AJAP1: variants seen among roughly 807,000 people sequenced by gnomAD.
AJAP1 encodes adherens junctions associated protein 1.
In AJAP1, 5 loss-of-function variants were observed where a neutral mutation model predicts 35.0. The ratio of observed to expected loss-of-function variants is 0.14; its 90% CI spans 0.07 to 0.30. The LOEUF is 0.30. Among genes scored for constraint, AJAP1 ranks in the 10% least tolerant of loss-of-function variants. The pLI is 1.00. For synonymous variants in AJAP1, 284 were observed against 249.3 expected (o/e 1.14, Z -1.31); for missense variants, 586 against 571.0 (o/e 1.03, Z -0.27).
chr1:4,659,575 G>T (rs1407468965), intron 1 of AJAP1, among the ~76,000 whole-genome samples: 1 of 152,202 alleles, frequency 6.6e-6, no homozygotes, highest in Non-Finnish European at 1.5e-5. Context: ...GTCCATGTCA[G>T]ACCTCTGGTG....
intron 1 of AJAP1, among the ~76,000 whole-genome samples, chr1:4,680,225 T>A (rs1315423535): frequency 6.6e-6 from 1 of 152,130 alleles, no homozygotes; most frequent in Admixed American, 6.5e-5. Flanking sequence ...CAGATGTTAA[T>A]CCTATCCATG....
At chr1:4,765,905 G>C (rs908565786) in intron 2 of AJAP1, among the ~76,000 whole-genome samples, 1 of 152,100 alleles carries the variant, frequency 6.6e-6, no homozygotes, top group Non-Finnish European at 1.5e-5. Flanking sequence ...AGAGGCTGTG[G>C]GTCTCTCTGA....
intron 2 of AJAP1, among the ~76,000 whole-genome samples, chr1:4,733,752 G>A (rs1170614853): frequency 6.6e-6 from 1 of 151,948 alleles, no homozygotes; most frequent in African/African-American, 2.4e-5. Context: ...TTCTCCTTGT[G>A]GGCAGGGATA....
chr1:4,691,674 C>G (rs893404441), intron 1 of AJAP1, among the ~76,000 whole-genome samples: 1 of 152,056 alleles, frequency 6.6e-6, no homozygotes, highest in African/African-American at 2.4e-5. Flanking sequence ...CCCGCTGACT[C>G]CAGGAGTCAG....
rs770767997 is a variant in AJAP1 at position 4,712,013 on chromosome 1, C to T, written c.143C>T (p.Pro48Leu). Residue 48 changes from proline (P) to leucine (L), a missense_variant, in exon 2 of 6, where the codon CCG (proline) becomes CTG (leucine). Pro to Leu is a moderately conservative substitution (Grantham distance 98). Transcript: ENST00000378191. ...LPACEALGPG[P>L]EFWLLPRSPP... ...GCCTGTGAGGCCCTGGGCCCGGGGCCGGAGTTCTGGCTCCTGCCGCGGTCG... is the reference window on the plus strand; with the variant it reads ...GCCTGTGAGGCCCTGGGCCCGGGGCTGGAGTTCTGGCTCCTGCCGCGGTCG... The T allele has an allele frequency of 1.3e-5, 21 of 1,595,768 alleles. No homozygotes were observed. The highest frequency in any genetic ancestry group is 1.8e-5 in the Non-Finnish European group (21 of 1,174,150).
chr1:4,750,983 G>A (rs1354425294), intron 2 of AJAP1, among the ~76,000 whole-genome samples: 2 of 151,220 alleles, frequency 1.3e-5, no homozygotes, highest in African/African-American at 2.4e-5. Flanking sequence ...TGTAGAATCC[G>A]AGACTCTGAG....
At chr1:4,747,880 T>A (rs1475768928) in intron 2 of AJAP1, among the ~76,000 whole-genome samples, 2 of 151,484 alleles carry the variant, frequency 1.3e-5, no homozygotes, top group African/African-American at 4.9e-5. Flanking sequence ...CAATCCCAGC[T>A]ACTTGGGAGG....
chr1:4,721,178 G>A (rs1640507713), intron 2 of AJAP1, among the ~76,000 whole-genome samples: 1 of 152,232 alleles, frequency 6.6e-6, no homozygotes, highest in Non-Finnish European at 1.5e-5. Context: ...GGGATCTGCA[G>A]CTGGGAGAAG....
At chr1:4,763,826 C>G (rs1641624330) in intron 2 of AJAP1, among the ~76,000 whole-genome samples, 1 of 146,960 alleles carries the variant, frequency 6.8e-6, no homozygotes, top group South Asian at 2.3e-4. Context: ...CCCCCTCCCC[C>G]TCTCTCCTCT....
chr1:4,722,297 A>G (rs1185378494), intron 2 of AJAP1, among the ~76,000 whole-genome samples: 1 of 152,222 alleles, frequency 6.6e-6, no homozygotes, highest in African/African-American at 2.4e-5. Context: ...GCCGCGGGGC[A>G]GGTGCAAGTT....
chr1:4,680,730 GT>G (rs1639463640), intron 1 of AJAP1, among the ~76,000 whole-genome samples: 1 of 152,202 alleles, frequency 6.6e-6, no homozygotes, highest in African/African-American at 2.4e-5. Flanking sequence ...GTGCACTGGA[GT>G]TTTTATATAT....
At position 4,734,102 on chromosome 1, in the gene AJAP1, C is replaced by T. The variant is rs1640864077; in HGVS notation, c.829+21403C>T. ...AAAAGCGAGAGCGATTTGCAAAAGG[C>T]CCCTTCAATCATGACAATTAAAATC... On this transcript the variant is annotated intron_variant, in intron 2 of 5. Transcript: ENST00000378191. This position sits in a 1 kb window ranked among gnomAD's most constrained non-coding sequence, Gnocchi z 4.3. 6.6e-6 allele frequency among the ~76,000 whole-genome samples: 1 copy of T among 152,148 alleles called. No homozygotes were observed. Among genetic ancestry groups the T allele is most frequent in the Admixed American group, 6.5e-5 (1 of 15,274 alleles).
intron 2 of AJAP1, among the ~76,000 whole-genome samples, chr1:4,741,186 G>T (rs1271118491): frequency 1.3e-5 from 2 of 152,134 alleles, no homozygotes; most frequent in African/African-American, 4.8e-5. Flanking sequence ...GTGAGCCCAG[G>T]GTCTTGGCTA....
chr1:4,732,915 C>A (rs1640833828), intron 2 of AJAP1, among the ~76,000 whole-genome samples: 2 of 152,192 alleles, frequency 1.3e-5, no homozygotes, highest in African/African-American at 4.8e-5. Context: ...ACTGCGTCTC[C>A]AAATAGACAT....
chr1:4,709,173 G>A (rs1402496740), intron 1 of AJAP1, among the ~76,000 whole-genome samples: 1 of 151,302 alleles, frequency 6.6e-6, no homozygotes, highest in Admixed American at 6.6e-5. Flanking sequence ...CTGATGGCAG[G>A]CAGGTTTGCT....
In AJAP1 at chr1:4,783,547, TTG is replaced by T. The variant is rs1180260134; in HGVS notation, c.*1070_*1071del. 2.3e-5 allele frequency: 3 copies of T among 132,692 alleles called. No homozygotes were observed. Among genetic ancestry groups the T allele is most frequent in the East Asian group, 2.2e-4 (1 of 4,544 alleles). The allele number at this position is 132,692 out of a possible 1,614,324, so 8.2% of individuals were successfully genotyped here. A position where few individuals can be genotyped will look rare whatever the true frequency, so the allele number is the denominator to read the frequency against. ...TATATATATATATATATATATATGT[TTG>T]TGTGTGTATATATATGTTTGTGTAT... On this transcript the variant is annotated 3_prime_UTR_variant, in exon 6 of 6. Transcript: ENST00000378191.
At position 4,731,183 on chromosome 1, in the gene AJAP1, C is replaced by T. The variant is rs140977918; in HGVS notation, c.829+18484C>T. Among the ~76,000 whole-genome samples, 412 of 152,266 alleles carry T rather than the reference C, an allele frequency of 2.7e-3. 3 individuals carry two copies. Among genetic ancestry groups the T allele is most frequent in the African/African-American group, 9.0e-3 (372 of 41,552 alleles). On this transcript the variant is annotated intron_variant, in intron 2 of 5. Coordinates refer to ENST00000378191, the MANE Select transcript of AJAP1 (RefSeq NM_018836.4). The stretch of plus-strand genomic sequence containing the variant: ...GCAACCTCCGCCTTCCGGGTTCAAG[C>T]GATTCTCTTGCCTCGGCCTCCTGAG...
At position 4,711,892 on chromosome 1, in the gene AJAP1, C is replaced by T. The variant is rs200234894; in HGVS notation, c.30-8C>T. 139 of 1,474,884 alleles carry T rather than the reference C, an allele frequency of 9.4e-5. No individual in the cohort carries two copies. The East Asian group carries it at 2.3e-3, about 24-fold the overall frequency. 91.4% of individuals were successfully genotyped at this position (1,474,884 alleles called of 1,614,324 possible). On this transcript the variant is annotated splice_polypyrimidine_tract_variant and splice_region_variant and intron_variant, in intron 1 of 5. Coordinates refer to ENST00000378191, the MANE Select transcript of AJAP1 (RefSeq NM_018836.4). ...TGACCGCTCTTCTCTCCTTTCCCCC[C>T]CGCACAGCTCCATGTCCATCCGCTG...
intron 2 of AJAP1, among the ~76,000 whole-genome samples, chr1:4,735,273 C>G (rs1640892645): frequency 6.6e-6 from 1 of 152,208 alleles, no homozygotes; most frequent in African/African-American, 2.4e-5. Flanking sequence ...GTCTTTTCTT[C>G]CGTGACACTC....
Sources: allele counts gnomAD v4.1 joint callset (sites outside exome capture counted in the v4.1 genomes callset), GRCh38; gene constraint gnomAD v4.1.1; non-coding constraint Gnocchi (gnomAD v3.1); transcripts MANE v1.5; gene names NCBI Gene and HGNC (gene_info 2026-07-23, HGNC 2026-07-21).